The following SMC5 variants were observed in gnomAD, a reference collection of about 807,000 sequenced individuals.
SMC5 encodes structural maintenance of chromosomes protein 5.
Under a neutral mutation model 148.3 loss-of-function variants are expected in SMC5, and 88 were observed. The ratio of observed to expected loss-of-function variants is 0.59; its 90% CI spans 0.50 to 0.71. The LOEUF is 0.71. Among genes scored for constraint, SMC5 ranks in the 30% least tolerant of loss-of-function variants. The pLI is 0.00. For synonymous variants in SMC5, 421 were observed against 432.8 expected (o/e 0.97, Z 0.34); for missense variants, 1,142 against 1,298.9 (o/e 0.88, Z 1.86).
intron 3 of SMC5, among the ~76,000 whole-genome samples, chr9:70,275,590 CTTAGT>C (rs768008519): frequency 3.9e-5 from 6 of 152,050 alleles, no homozygotes; most frequent in Non-Finnish European, 5.9e-5. Flanking sequence ...TGAATCTGAT[CTTAGT>C]TTATTTGATA....
chr9:70,263,406 T>C (rs1057221336), intron 1 of SMC5, among the ~76,000 whole-genome samples: 2 of 151,832 alleles, frequency 1.3e-5, no homozygotes, highest in African/African-American at 2.4e-5. Flanking sequence ...ATGTGTGTGC[T>C]TGGTTATTTA....
Position 70,277,533 on chromosome 9 carries a change from C to T in SMC5, c.543+61C>T, listed in dbSNP as rs1259495381. ...TGTATATAGTGTTTCCTTTTTATGC[C>T]GTTGAAGGGATATCATAATGACTGC... On this transcript the variant is annotated intron_variant, in intron 4 of 24. Coordinates refer to ENST00000361138, the MANE Select transcript of SMC5 (RefSeq NM_015110.4). 2.9e-5 allele frequency: 39 copies of T among 1,351,184 alleles called. No homozygotes were observed. In the East Asian group the frequency reaches 8.6e-4, roughly 30 times the overall value. 83.7% of individuals were successfully genotyped at this position (1,351,184 alleles called of 1,614,324 possible).
In SMC5 at chr9:70,267,838, T is replaced by C. The variant is rs2034333052; in HGVS notation, c.328-85T>C. 4 of 1,253,158 alleles carry C rather than the reference T, an allele frequency of 3.2e-6. No homozygotes were observed. The African/African-American group carries it at 4.5e-5, about 14-fold the overall frequency. The allele number at this position is 1,253,158 out of a possible 1,614,324, so 77.6% of individuals were successfully genotyped here. On this transcript the variant is annotated intron_variant, in intron 2 of 24. Transcript: ENST00000361138. ...GTGGTACCTGAAAAAAATCTTGATTTGACAAATAATAATGACTGCTAAATC... is the reference window on the plus strand; with the variant it reads ...GTGGTACCTGAAAAAAATCTTGATTCGACAAATAATAATGACTGCTAAATC...
chr9:70,275,347 C>T (rs11793851), intron 3 of SMC5, among the ~76,000 whole-genome samples: 17,409 of 152,024 alleles, frequency 0.11, 1,072 homozygotes, highest in African/African-American at 0.15. Flanking sequence ...GCACTCACCA[C>T]CAGGCCCAGC....
chr9:70,278,417 G>A, intron 4 of SMC5, 74 bp from the exon 5 acceptor site: 2 of 1,413,274 alleles, frequency 1.4e-6, no homozygotes. Flanking sequence ...ACAAGTGTAA[G>A]CATTGAGTGA....
chr9:70,326,483 A>T (rs763443343), intron 17 of SMC5, among the ~76,000 whole-genome samples: 16 of 152,274 alleles, frequency 1.1e-4, no homozygotes, highest in East Asian at 1.9e-4. Context: ...CTTAGGTCAA[A>T]AAAGAAAGGA....
chr9:70,328,746 G>C (rs1315901707), intron 17 of SMC5, among the ~76,000 whole-genome samples: 1 of 152,214 alleles, frequency 6.6e-6, no homozygotes, highest in African/African-American at 2.4e-5. Context: ...TGGGGACTCT[G>C]TGTAGGGCCT....
At chr9:70,301,196 A>G (rs897885620) in intron 10 of SMC5, among the ~76,000 whole-genome samples, 1 of 152,178 alleles carries the variant, frequency 6.6e-6, no homozygotes, top group Admixed American at 6.5e-5. Flanking sequence ...TGACCCTTAT[A>G]AAAGTTATAA....
chr9:70,268,114 C>A (rs1306831626), intron 3 of SMC5, 139 bp downstream of exon 3: 13 of 654,594 alleles, frequency 2.0e-5, no homozygotes, highest in Non-Finnish European at 3.1e-5. Context: ...AATACTTAAT[C>A]CAGATAAGTA....
At chr9:70,313,804 A>AT (rs536588703) in intron 11 of SMC5, among the ~76,000 whole-genome samples, 4 of 152,024 alleles carry the variant, frequency 2.6e-5, no homozygotes, top group Non-Finnish European at 5.9e-5. Context: ...CCAGCCAGTA[A>AT]TTTTTTTATT....
chr9:70,305,034 C>G (rs1368328356), intron 10 of SMC5, among the ~76,000 whole-genome samples: 1 of 152,090 alleles, frequency 6.6e-6, no homozygotes, highest in Non-Finnish European at 1.5e-5. Context: ...ATGCACTGTT[C>G]AAATCTTGGC....
chr9:70,351,406 A>G (rs543713260), intron 24 of SMC5, among the ~76,000 whole-genome samples: 1 of 152,064 alleles, frequency 6.6e-6, no homozygotes, highest in Non-Finnish European at 1.5e-5. Context: ...TTTTTATTAA[A>G]TAGTGTCATC....
intron 1 of SMC5, among the ~76,000 whole-genome samples, chr9:70,261,422 C>G (rs1273683260): frequency 6.6e-6 from 1 of 152,130 alleles, no homozygotes; most frequent in Non-Finnish European, 1.5e-5. Flanking sequence ...AGTTGTGAGG[C>G]ATGGGGGAAA....
At chr9:70,260,558 C>T (rs1032036404) in intron 1 of SMC5, among the ~76,000 whole-genome samples, 1 of 152,066 alleles carries the variant, frequency 6.6e-6, no homozygotes, top group Admixed American at 6.5e-5. Context: ...ATTTCCATTG[C>T]TGAAAGAAGC....
intron 17 of SMC5, among the ~76,000 whole-genome samples, chr9:70,330,691 A>G (rs1014597408): frequency 1.6e-4 from 24 of 151,714 alleles, no homozygotes; most frequent in African/African-American, 5.8e-4. Flanking sequence ...TAGCAGGCAT[A>G]CCACCATGCC....
At position 70,352,297 on chromosome 9, in the gene SMC5, G is replaced by A. The variant is rs370996956; in HGVS notation, c.3272G>A (p.Arg1091Gln). The part of the protein sequence containing the change: ...NTWNLKAFQR[R>Q]RRRITFTQPS ...TGGAATTTAAAGGCTTTCCAAAGGC[G>A]GCGGCGCCGTATTACATTCACTCAA... Residue 1091 changes from arginine (R) to glutamine (Q), a missense_variant, in exon 25 of 25, where the codon CGG (arginine) becomes CAG (glutamine). This residue lies in a region of SMC5 where 63 missense variants were observed against 65.7 expected (regional missense o/e 0.96). Coordinates refer to ENST00000361138, the MANE Select transcript of SMC5 (RefSeq NM_015110.4). 10 of 1,612,366 alleles carry A rather than the reference G, an allele frequency of 6.2e-6. No individual in the cohort carries two copies. The highest frequency in any genetic ancestry group is 1.1e-5 in the South Asian group (1 of 90,744).
intron 17 of SMC5, among the ~76,000 whole-genome samples, chr9:70,330,840 G>A (rs2036200443): frequency 6.6e-6 from 1 of 152,052 alleles, no homozygotes. Context: ...ACCACACCCA[G>A]CCTACATGTA....
chr9:70,263,719 AAGT>A (rs1476761072), intron 1 of SMC5, among the ~76,000 whole-genome samples: 1 of 152,216 alleles, frequency 6.6e-6, no homozygotes, highest in Non-Finnish European at 1.5e-5. Context: ...TCCTAGGCTC[AAGT>A]AGTACCCTGG....
At chr9:70,289,555 TGAA>T (rs1349208578) in intron 8 of SMC5, among the ~76,000 whole-genome samples, 7 of 152,212 alleles carry the variant, frequency 4.6e-5, no homozygotes, top group Admixed American at 6.5e-5. Flanking sequence ...TTTAAACAGA[TGAA>T]GAAGTTTAAA....
Sources: gnomAD v4.1 joint callset for allele counts (sites outside exome capture counted in the v4.1 genomes callset) on GRCh38, gnomAD v4.1.1 for gene constraint, gnomAD v4.1.1 regional missense constraint, MANE v1.5 for transcripts, NCBI Gene and HGNC (gene_info 2026-07-23, HGNC 2026-07-21) for gene names.